HSD17B4: variants seen among roughly 807,000 people sequenced by gnomAD.
HSD17B4 encodes hydroxysteroid 17-beta dehydrogenase 4.
In HSD17B4, 70 loss-of-function variants were observed where a neutral mutation model predicts 101.0. That is an observed-to-expected ratio of 0.69 (90% CI 0.57 to 0.85). The LOEUF is 0.85. HSD17B4 is among the 40% of genes least tolerant of loss of function. The pLI, the probability that HSD17B4 is intolerant of heterozygous loss-of-function variation, is 0.00. For missense variants in HSD17B4, 984 were observed against 892.4 expected, an observed-to-expected ratio of 1.10 and a Z score of -1.31; for synonymous variants, 347 against 297.1, an observed-to-expected ratio of 1.17 and a Z score of -1.73.
At chr5:119,474,815 T>G (rs1453275434) in intron 4 of HSD17B4, among the ~76,000 whole-genome samples, 1 of 152,172 alleles carries the variant, frequency 6.6e-6, no homozygotes, top group Non-Finnish European at 1.5e-5. Flanking sequence ...TTTGGATAAT[T>G]ATAATAATTT....
At chr5:119,532,295 T>C (rs1385716067) in intron 22 of HSD17B4, among the ~76,000 whole-genome samples, 15 of 152,144 alleles carry the variant, frequency 9.9e-5, no homozygotes, top group Non-Finnish European at 1.8e-4. Flanking sequence ...TCATTTATAA[T>C]TGTATGTTTT....
chr5:119,478,789 C>G (rs1404192450), intron 7 of HSD17B4, 45 bp from the exon 8 acceptor site: 5 of 1,535,678 alleles, frequency 3.3e-6, no homozygotes, highest in Non-Finnish European at 4.5e-6. Context: ...GCAATGTTAT[C>G]AAATTATGGA....
At chr5:119,516,113 A>G (rs574132011) in intron 17 of HSD17B4, among the ~76,000 whole-genome samples, 3 of 152,330 alleles carry the variant, frequency 2.0e-5, no homozygotes, top group East Asian at 3.9e-4. Context: ...AGAGAATTAA[A>G]GTTGGTACAT....
chr5:119,462,248 A>ATTTTTTTTTTTTTTTTTTTTTTTTTTT lies in HSD17B4; in HGVS notation c.112+5889_112+5915dup, dbSNP rs10524491. 2.0e-4 allele frequency among the ~76,000 whole-genome samples: 6 copies of ATTTTTTTTTTTTTTTTTTTTTTTTTTT among 30,040 alleles called. 1 individual carries two copies. Among genetic ancestry groups the ATTTTTTTTTTTTTTTTTTTTTTTTTTT allele is most frequent in the Admixed American group, 6.9e-4 (1 of 1,442 alleles). The allele number at this position is 30,040 out of a possible 152,430, so 19.7% of individuals were successfully genotyped here. A position where few individuals can be genotyped will look rare whatever the true frequency, so the allele number is the denominator to read the frequency against. On this transcript the variant is annotated intron_variant, in intron 2 of 23. Coordinates refer to ENST00000510025, the MANE Select transcript of HSD17B4 (RefSeq NM_000414.4). ...TTCATATCCTCCCCCAACAAATGTG[A>ATTTTTTTTTTTTTTTTTTTTTTTTTTT]TTTTTTTTTTTTTTTTTTTTTTTTT...
At chr5:119,531,860 A>G (rs187714602) in intron 22 of HSD17B4, among the ~76,000 whole-genome samples, 3 of 152,094 alleles carry the variant, frequency 2.0e-5, no homozygotes, top group Admixed American at 1.3e-4. Context: ...TAAAATCACT[A>G]TTTTCTAGAT....
At chr5:119,521,919 G>T (rs28667304) in intron 17 of HSD17B4, among the ~76,000 whole-genome samples, 2,209 of 142,084 alleles carry the variant, frequency 0.016, 28 homozygotes, top group African/African-American at 0.033. Flanking sequence ...TTCAGTTTTG[G>T]TTTTTTTTTT....
chr5:119,503,076 TTGTGTGTGTGTGTGTGTGTGTG>T (rs759039800), intron 14 of HSD17B4, among the ~76,000 whole-genome samples: 1 of 140,532 alleles, frequency 7.1e-6, no homozygotes, highest in Admixed American at 7.1e-5. Flanking sequence ...ACCTTGGAAA[TTGTGTGTGTGTGTGTGTGTGTG>T]TGTGTGTGTG....
intron 20 of HSD17B4, among the ~76,000 whole-genome samples, chr5:119,529,318 C>T (rs1476310251): frequency 1.3e-5 from 2 of 152,054 alleles, no homozygotes; most frequent in Non-Finnish European, 2.9e-5. Context: ...TGATAAAAGC[C>T]TATTTAGACA....
intron 2 of HSD17B4, among the ~76,000 whole-genome samples, chr5:119,462,652 G>A (rs1204554106): frequency 5.3e-5 from 8 of 152,016 alleles, no homozygotes; most frequent in Admixed American, 3.9e-4. Flanking sequence ...GTATATAATT[G>A]CAAAAAGTAT....
At chr5:119,480,835 A>G (rs1332264314) in intron 8 of HSD17B4, among the ~76,000 whole-genome samples, 2 of 152,204 alleles carry the variant, frequency 1.3e-5, no homozygotes. Context: ...CTAGGTGCGC[A>G]TTCTCTTTCT....
chr5:119,489,923 T>G (rs972903434), intron 9 of HSD17B4, among the ~76,000 whole-genome samples: 1 of 152,152 alleles, frequency 6.6e-6, no homozygotes, highest in Non-Finnish European at 1.5e-5. Context: ...TGTTCACTCT[T>G]TGATGAAAGT....
intron 7 of HSD17B4, chr5:119,478,228 A>G (rs999021622): frequency 1.3e-5 from 2 of 154,642 alleles, no homozygotes; most frequent in African/African-American, 4.8e-5. Context: ...CAGTGCTAGT[A>G]TGCTTTAGTC....
At chr5:119,507,850 A>C (rs1229788552) in intron 15 of HSD17B4, among the ~76,000 whole-genome samples, 5 of 152,002 alleles carry the variant, frequency 3.3e-5, no homozygotes, top group Admixed American at 2.6e-4. Context: ...ATTTAAGTTT[A>C]AATTTGTAAG....
chr5:119,489,168 A>ATATGTG (rs780785043), intron 8 of HSD17B4, 24 bp from the exon 9 acceptor site: 7 of 1,402,282 alleles, frequency 5.0e-6, no homozygotes, highest in East Asian at 2.3e-5. Context: ...GATTGATAAG[A>ATATGTG]TATGTGTATA....
At chr5:119,469,632 G>C (rs139471554) in intron 2 of HSD17B4, among the ~76,000 whole-genome samples, 3,372 of 152,292 alleles carry the variant, frequency 0.022, 46 homozygotes, top group Non-Finnish European at 0.033. Flanking sequence ...TGGGATTGCA[G>C]GCGTGAGCCA....
chr5:119,540,526 C>T (rs1754903543), intron 23 of HSD17B4, among the ~76,000 whole-genome samples: 1 of 152,208 alleles, frequency 6.6e-6, no homozygotes, highest in Non-Finnish European at 1.5e-5. Context: ...GAGTTTAGTA[C>T]ATAGCAGGCT....
At chr5:119,504,192 C>G (rs934450151) in intron 14 of HSD17B4, among the ~76,000 whole-genome samples, 1 of 152,134 alleles carries the variant, frequency 6.6e-6, no homozygotes, top group East Asian at 1.9e-4. Context: ...TGATGGGCAC[C>G]TAGATTGATT....
intron 2 of HSD17B4, among the ~76,000 whole-genome samples, chr5:119,458,128 C>A (rs1754854744): frequency 6.6e-6 from 1 of 152,000 alleles, no homozygotes; most frequent in Admixed American, 6.6e-5. Context: ...TGTGTCAAGT[C>A]CTGATAAAAG....
At chr5:119,491,966 GCTGTATTATTTTCATCTC>G (rs1439035813) in intron 9 of HSD17B4, 116 bp from the exon 10 acceptor site, 1 of 776,886 alleles carries the variant, frequency 1.3e-6, no homozygotes, top group African/African-American at 1.7e-5. Context: ...CTCTTACAGA[GCTGTATTATTTTCATCTC>G]CTGTTGCCTT....
Sources: allele counts gnomAD v4.1 joint callset (sites outside exome capture counted in the v4.1 genomes callset), GRCh38; gene constraint gnomAD v4.1.1; transcripts MANE v1.5; gene names NCBI Gene and HGNC (gene_info 2026-07-23, HGNC 2026-07-21).